MAPT: variants seen among roughly 807,000 people sequenced by gnomAD.
MAPT encodes microtubule-associated protein tau.
Under a neutral mutation model 67.9 loss-of-function variants are expected in MAPT, and 34 were observed. The ratio of observed to expected loss-of-function variants is 0.50; its 90% CI spans 0.38 to 0.67. The LOEUF (loss-of-function observed/expected upper bound fraction) is 0.67. MAPT is among the 30% of genes least tolerant of loss of function. The pLI, the probability that MAPT is intolerant of heterozygous loss-of-function variation, is 0.00. For synonymous variants in MAPT, 456 were observed against 464.5 expected (o/e 0.98, Z 0.23); for missense variants, 881 against 1,115.2 (o/e 0.79, Z 2.99).
intron 1 of MAPT, among the ~76,000 whole-genome samples, chr17:45,917,476 G>T (rs2065295342): frequency 6.6e-6 from 1 of 152,290 alleles, no homozygotes; most frequent in Admixed American, 6.5e-5. Context: ...AATTATCTTT[G>T]CCCCTGCTTA....
intron 1 of MAPT, among the ~76,000 whole-genome samples, chr17:45,946,615 A>AAAAAAAAAAAAATATAT: frequency 2.0e-5 from 2 of 100,408 alleles, no homozygotes; most frequent in African/African-American, 8.7e-5. Flanking sequence ...AAAAAAAAAA[A>AAAAAAAAAAAAATATAT]ATATATATAT....
At chr17:45,921,142 T>G (rs2065674314) in intron 1 of MAPT, among the ~76,000 whole-genome samples, 1 of 152,192 alleles carries the variant, frequency 6.6e-6, no homozygotes, top group Admixed American at 6.5e-5. Context: ...GACTTGCAAT[T>G]AAAAGAATTG....
At position 45,996,685 on chromosome 17, in the gene MAPT, G is replaced by C. The variant is rs772302437; in HGVS notation, c.1998+21G>C. On this transcript the variant is annotated intron_variant, in intron 9 of 12. Transcript: ENST00000262410. This position sits in a 1 kb window ranked among gnomAD's most constrained non-coding sequence, Gnocchi z 4.5. Reference sequence around the variant, plus strand: ...GGAAGGTGAGAGTGGCTGGCTGCGCGTGGAGGTGTGGGGGGCTGCGCCTGG... The same window carrying C: ...GGAAGGTGAGAGTGGCTGGCTGCGCCTGGAGGTGTGGGGGGCTGCGCCTGG... 1 of 1,611,982 alleles carries C rather than the reference G, an allele frequency of 6.2e-7. No homozygotes were observed. Among genetic ancestry groups the C allele is most frequent in the Admixed American group, 1.7e-5 (1 of 59,952 alleles).
intron 1 of MAPT, among the ~76,000 whole-genome samples, chr17:45,903,480 G>A (rs1277147584): frequency 6.6e-6 from 1 of 151,856 alleles, no homozygotes; most frequent in Non-Finnish European, 1.5e-5. Flanking sequence ...AGCACTTTGG[G>A]AGGCCGAGGC....
At chr17:45,899,036 G>A (rs894763265) in intron 1 of MAPT, among the ~76,000 whole-genome samples, 2 of 152,250 alleles carry the variant, frequency 1.3e-5, no homozygotes, top group South Asian at 2.1e-4. Context: ...TGGAGCTGGC[G>A]TTTGGGGGGC....
At chr17:45,998,565 C>T (rs1417306670) in intron 9 of MAPT, among the ~76,000 whole-genome samples, 3 of 152,160 alleles carry the variant, frequency 2.0e-5, no homozygotes, top group Non-Finnish European at 4.4e-5. Flanking sequence ...TGATGGCAAA[C>T]GATCCGGGTT....
chr17:45,980,589 T>TATAC (rs1555704717), intron 4 of MAPT: 3 of 150,994 alleles, frequency 2.0e-5, no homozygotes, highest in African/African-American at 7.3e-5. Context: ...TCCTCATTGA[T>TATAC]ACACACACAC....
intron 11 of MAPT, among the ~76,000 whole-genome samples, chr17:46,017,168 T>C (rs1410694153): frequency 6.6e-6 from 1 of 152,226 alleles, no homozygotes; most frequent in Non-Finnish European, 1.5e-5. Context: ...TGAGAGCAGC[T>C]GGGAGCTGCT....
At position 45,915,193 on chromosome 17, in the gene MAPT, G is replaced by A. The variant is rs2065095249; in HGVS notation, c.-18+20507G>A. 6.6e-6 allele frequency among the ~76,000 whole-genome samples: 1 copy of A among 152,134 alleles called. No homozygotes were observed. The highest frequency in any genetic ancestry group is 1.9e-4 in the East Asian group (1 of 5,194). On this transcript the variant is annotated intron_variant, in intron 1 of 12. Coordinates refer to ENST00000262410, the MANE Select transcript of MAPT (RefSeq NM_001377265.1). This position sits in a 1 kb window ranked among gnomAD's most constrained non-coding sequence, Gnocchi z 4.4. The stretch of plus-strand genomic sequence containing the variant: ...TCTGGCCTAACCCTGTCATGTTAGA[G>A]ACTGGAGTGCGTGTGTGTGCGCGCA...
rs1193341266 is a variant in MAPT at position 45,982,047 on chromosome 17, GA to G, written c.287-809del. ...AAAAAAAAAAAAGAAAGAAAGAAAG[GA>G]AAAAAAAAACTCATGCCTGTAATCC... On this transcript the variant is annotated intron_variant, in intron 4 of 12. Transcript: ENST00000262410. 1.0e-3 allele frequency among the ~76,000 whole-genome samples: 143 copies of G among 143,138 alleles called. 1 individual carries two copies. Among genetic ancestry groups the G allele is most frequent in the Non-Finnish European group, 1.1e-3 (73 of 64,278 alleles). 93.9% of individuals were successfully genotyped at this position (143,138 alleles called of 152,430 possible). A position where few individuals can be genotyped will look rare whatever the true frequency, so the allele number is the denominator to read the frequency against.
Position 46,012,401 on chromosome 17 carries a change from G to A in MAPT, c.2092-1842G>A, listed in dbSNP as rs560754781. Among the ~76,000 whole-genome samples the A allele has an allele frequency of 2.9e-3, 445 of 152,194 alleles. 3 individuals carry two copies. Among genetic ancestry groups the A allele is most frequent in the African/African-American group, 9.7e-3 (401 of 41,522 alleles). ...TGTGTCCCGCGCTCTGCTTGTCTGC[G>A]GTCTAGCCTGTGACCTGGCAGAGAG... On this transcript the variant is annotated intron_variant, in intron 10 of 12. Transcript: ENST00000262410.
At chr17:45,946,580 C>A (rs138420606) in intron 1 of MAPT, among the ~76,000 whole-genome samples, 1 of 115,544 alleles carries the variant, frequency 8.7e-6, no homozygotes, top group African/African-American at 3.1e-5. Flanking sequence ...GCCTGGGCGA[C>A]CGAGGGGGAC....
intron 5 of MAPT, chr17:45,985,564 A>T: frequency 2.4e-6 from 1 of 409,032 alleles, no homozygotes; most frequent in Non-Finnish European, 3.3e-6. Context: ...AGGACTTGTC[A>T]GAGCCTTTAA....
At chr17:45,926,483 T>A (rs1164990276) in intron 1 of MAPT, among the ~76,000 whole-genome samples, 1 of 151,970 alleles carries the variant, frequency 6.6e-6, no homozygotes, top group Non-Finnish European at 1.5e-5. Context: ...TAATTTTTTT[T>A]ATTTTTTATT....
At chr17:45,937,520 G>A (rs2067444885) in intron 1 of MAPT, among the ~76,000 whole-genome samples, 2 of 151,264 alleles carry the variant, frequency 1.3e-5, no homozygotes, top group Non-Finnish European at 1.5e-5. Context: ...GAGCCCAAGA[G>A]TTTGAGGTTA....
rs553711188 is a variant in MAPT at position 45,996,725 on chromosome 17, G to A, written c.1998+61G>A. ...GCTGCGCCTGGAGGGGTAGGGCTGT[G>A]CCTGGAAGGGTAGGGCTGCGCCTGG... On this transcript the variant is annotated intron_variant, in intron 9 of 12. Transcript: ENST00000262410. This position sits in a 1 kb window ranked among gnomAD's most constrained non-coding sequence, Gnocchi z 4.5. 2.5e-6 allele frequency: 4 copies of A among 1,595,526 alleles called. No homozygotes were observed. The African/African-American group carries it at 5.4e-5, about 21-fold the overall frequency.
At chr17:45,902,423 C>A (rs1307877716) in intron 1 of MAPT, among the ~76,000 whole-genome samples, 1 of 152,170 alleles carries the variant, frequency 6.6e-6, no homozygotes, top group South Asian at 2.1e-4. Context: ...GGTGTACATA[C>A]AAGATTTTGA....
chr17:45,999,275 G>A, intron 9 of MAPT: 1 of 1,612,192 alleles, frequency 6.2e-7, no homozygotes, highest in South Asian at 1.1e-5. Context: ...TCCCTAGTCT[G>A]GGCCATGAGT....
chr17:45,906,285 G>GGAGT lies in MAPT; in HGVS notation c.-18+11600_-18+11603dup, dbSNP rs1348156901. ...TCCTGGGAGCTTTTCTGTTTTTTCT[G>GGAGT]GAGTTTTCAGTTTTTTCCTAACCAG... On this transcript the variant is annotated intron_variant, in intron 1 of 12. Coordinates refer to ENST00000262410, the MANE Select transcript of MAPT (RefSeq NM_001377265.1). This position sits in a 1 kb window ranked among gnomAD's most constrained non-coding sequence, Gnocchi z 4.3. 6.6e-6 allele frequency among the ~76,000 whole-genome samples: 1 copy of GGAGT among 152,122 alleles called. No individual in the cohort carries two copies. Among genetic ancestry groups the GGAGT allele is most frequent in the Admixed American group, 6.6e-5 (1 of 15,266 alleles).
Sources: gnomAD v4.1 joint callset for allele counts (sites outside exome capture counted in the v4.1 genomes callset) on GRCh38, gnomAD v4.1.1 for gene constraint, Gnocchi (gnomAD v3.1) non-coding constraint, MANE v1.5 for transcripts, NCBI Gene and HGNC (gene_info 2026-07-23, HGNC 2026-07-21) for gene names.